The following SPATS2L variants were observed in gnomAD, a reference collection of about 807,000 sequenced individuals.
The protein encoded by SPATS2L is SPATS2-like protein.
Under a neutral mutation model 59.6 loss-of-function variants are expected in SPATS2L, and 30 were observed. The observed-to-expected ratio is 0.50, with a 90% CI of 0.38 to 0.68. The LOEUF (loss-of-function observed/expected upper bound fraction) is 0.68. Among genes scored for constraint, SPATS2L ranks in the 30% least tolerant of loss-of-function variants. The pLI, the probability that SPATS2L is intolerant of heterozygous loss-of-function variation, is 0.00. For synonymous variants in SPATS2L, 252 were observed against 263.5 expected (o/e 0.96, Z 0.42); for missense variants, 615 against 700.0 (o/e 0.88, Z 1.37).
rs548665353 is a variant in SPATS2L, at chr2:200,454,969, G to A, written c.789-4800G>A. Among the ~76,000 whole-genome samples, 12 of 152,308 alleles carry A rather than the reference G, an allele frequency of 7.9e-5. No individual in the cohort carries two copies. The East Asian group carries it at 2.3e-3, about 29-fold the overall frequency. ...ATCAGTGGTGGGAGAACAAATTTCA[G>A]TAATTAAACCACCATAGTTTGCAAA... On this transcript the variant is annotated intron_variant, in intron 8 of 12. Transcript: ENST00000409140.
At chr2:200,339,716 T>C (rs181138295) in intron 2 of SPATS2L, among the ~76,000 whole-genome samples, 2 of 152,310 alleles carry the variant, frequency 1.3e-5, no homozygotes, top group Admixed American at 6.5e-5. Flanking sequence ...ACAAGGAACA[T>C]GTCTTGTTGG....
chr2:200,347,625 A>G (rs1288265908), intron 2 of SPATS2L, among the ~76,000 whole-genome samples: 1 of 152,178 alleles, frequency 6.6e-6, no homozygotes, highest in East Asian at 1.9e-4. Context: ...TAACAACCCC[A>G]GGGCTCAGGT....
chr2:200,470,457 G>T (rs1158883402), intron 11 of SPATS2L, among the ~76,000 whole-genome samples: 1 of 152,148 alleles, frequency 6.6e-6, no homozygotes. Flanking sequence ...CTCCACCCTC[G>T]GTTCTCTGTG....
intron 2 of SPATS2L, among the ~76,000 whole-genome samples, chr2:200,353,271 G>C (rs1476834242): frequency 1.3e-5 from 2 of 152,162 alleles, no homozygotes; most frequent in African/African-American, 2.4e-5. Flanking sequence ...TCCTAAAACA[G>C]CTTGATCGCT....
intron 8 of SPATS2L, among the ~76,000 whole-genome samples, chr2:200,456,927 A>G (rs2085877552): frequency 6.6e-6 from 1 of 152,032 alleles, no homozygotes; most frequent in Non-Finnish European, 1.5e-5. Context: ...TCTGCTTTTC[A>G]CTATTTCCCC....
intron 2 of SPATS2L, among the ~76,000 whole-genome samples, chr2:200,338,293 A>G (rs1038436267): frequency 1.3e-5 from 2 of 152,198 alleles, no homozygotes; most frequent in Non-Finnish European, 2.9e-5. Context: ...CCAAAGCATT[A>G]GGATTACAGG....
intron 2 of SPATS2L, among the ~76,000 whole-genome samples, chr2:200,354,347 A>G (rs1393379091): frequency 2.0e-5 from 3 of 152,120 alleles, no homozygotes; most frequent in Non-Finnish European, 4.4e-5. Context: ...GATGGCTCAC[A>G]CCTGTAATCC....
chr2:200,478,363 T>C lies in SPATS2L; in HGVS notation c.*332T>C, dbSNP rs1162515712. 1.5e-5 allele frequency: 3 copies of C among 201,106 alleles called. No homozygotes were observed. The highest frequency in any genetic ancestry group is 3.0e-5 in the Non-Finnish European group (3 of 101,208). 12.5% of individuals were successfully genotyped at this position (201,106 alleles called of 1,614,324 possible). ...TGTAGCAGTGATGTCAGTCCATTGATTGTCTTTAGAGAGTTAATGTTACAA... is the reference window on the plus strand; with the variant it reads ...TGTAGCAGTGATGTCAGTCCATTGACTGTCTTTAGAGAGTTAATGTTACAA... On this transcript the variant is annotated 3_prime_UTR_variant, in exon 13 of 13. Transcript: ENST00000409140.
At chr2:200,390,125 A>C (rs1349367746) in intron 3 of SPATS2L, 1 of 152,304 alleles carries the variant, frequency 6.6e-6, no homozygotes, top group African/African-American at 2.4e-5. Flanking sequence ...TCTGGACTGT[A>C]AACCATGTGA....
chr2:200,438,450 A>T (rs187765016), intron 6 of SPATS2L, among the ~76,000 whole-genome samples: 1 of 152,300 alleles, frequency 6.6e-6, no homozygotes. Flanking sequence ...CTAAATGGGA[A>T]CCTACCTTTA....
In SPATS2L at chr2:200,339,864, A is replaced by G. The variant is rs552571419; in HGVS notation, c.-23+10384A>G. On this transcript the variant is annotated intron_variant, in intron 2 of 12. Transcript: ENST00000409140. Reference sequence around the variant, plus strand: ...ATGAAGAACTTCTGGGTTGAATGACAGTCCATAATTTTTTGTTTAAATGCT... The same window carrying G: ...ATGAAGAACTTCTGGGTTGAATGACGGTCCATAATTTTTTGTTTAAATGCT... Among the ~76,000 whole-genome samples, 533 of 152,308 alleles carry G rather than the reference A, an allele frequency of 3.5e-3. 2 individuals are homozygous for G. The highest frequency in any genetic ancestry group is 5.8e-3 in the Non-Finnish European group (393 of 68,028).
chr2:200,406,341 A>G (rs189341844), intron 3 of SPATS2L, among the ~76,000 whole-genome samples: 151 of 151,904 alleles, frequency 9.9e-4, no homozygotes, highest in African/African-American at 3.3e-3. Context: ...AGCCCCGGCT[A>G]TTAATGTTGC....
chr2:200,465,937 CAGG>C (rs1158997003), intron 9 of SPATS2L, among the ~76,000 whole-genome samples: 1 of 152,162 alleles, frequency 6.6e-6, no homozygotes, highest in Non-Finnish European at 1.5e-5. Flanking sequence ...GAGGCTGACG[CAGG>C]AGAATGGTGT....
chr2:200,385,987 C>T (rs1225684833), intron 2 of SPATS2L, among the ~76,000 whole-genome samples: 4 of 152,304 alleles, frequency 2.6e-5, no homozygotes, highest in South Asian at 2.1e-4. Context: ...CCACCGCACC[C>T]GGCCAACTTA....
At chr2:200,341,631 G>A (rs146312066) in intron 2 of SPATS2L, among the ~76,000 whole-genome samples, 13 of 152,026 alleles carry the variant, frequency 8.6e-5, no homozygotes, top group African/African-American at 9.7e-5. Flanking sequence ...ACAATGAAAG[G>A]GATCCTTTCC....
intron 2 of SPATS2L, among the ~76,000 whole-genome samples, chr2:200,380,105 G>A (rs946251920): frequency 6.6e-6 from 1 of 152,184 alleles, no homozygotes; most frequent in Admixed American, 6.5e-5. Context: ...GAAAAACCAT[G>A]CCGTAGGTGA....
At chr2:200,445,560 A>G (rs189555586) in intron 8 of SPATS2L, among the ~76,000 whole-genome samples, 2 of 152,354 alleles carry the variant, frequency 1.3e-5, no homozygotes, top group Admixed American at 1.3e-4. Context: ...GAGGTCTCCC[A>G]TATGGGAAGT....
At chr2:200,347,741 C>T (rs1458110091) in intron 2 of SPATS2L, among the ~76,000 whole-genome samples, 1 of 152,122 alleles carries the variant, frequency 6.6e-6, no homozygotes, top group Non-Finnish European at 1.5e-5. Flanking sequence ...ACCAAGTATG[C>T]CAGTTTCTTC....
In SPATS2L at chr2:200,307,225, C is replaced by G. The variant is rs1433614658; in HGVS notation, c.-73+303C>G. Reference sequence around the variant, plus strand: ...TCCCCGGGCGAGCGTGTGGCCGCCGCGCTCCGACGTGTACCCGCCCGCCCC... The same window carrying G: ...TCCCCGGGCGAGCGTGTGGCCGCCGGGCTCCGACGTGTACCCGCCCGCCCC... On this transcript the variant is annotated intron_variant, in intron 1 of 12. Transcript: ENST00000409140. 2.6e-5 allele frequency among the ~76,000 whole-genome samples: 4 copies of G among 151,760 alleles called. No individual in the cohort carries two copies. The East Asian group carries it at 7.8e-4, about 30-fold the overall frequency.
Sources: allele counts gnomAD v4.1 joint callset (sites outside exome capture counted in the v4.1 genomes callset), GRCh38; gene constraint gnomAD v4.1.1; transcripts MANE v1.5; gene names NCBI Gene and HGNC (gene_info 2026-07-23, HGNC 2026-07-21).